Variants in MSH6 observed in about 807,000 individuals in gnomAD.
The protein encoded by MSH6 is DNA mismatch repair protein Msh6.
MSH6 carries 85 observed loss-of-function variants against 119.1 expected under a neutral mutation model. The observed-to-expected ratio is 0.71, with a 90% CI of 0.60 to 0.85. MSH6 has a LOEUF of 0.85. MSH6 is among the 40% of genes least tolerant of loss of function. MSH6 has a pLI of 0.00. For synonymous variants in MSH6, 830 were observed against 586.9 expected (o/e 1.41, Z -5.99); for missense variants, 2,163 against 1,655.3 (o/e 1.31, Z -5.32).
chr2:47,810,068 T>G (rs1670510048), downstream of MSH6: 1 of 500,762 alleles, frequency 2.0e-6, no homozygotes, highest in Admixed American at 3.8e-5. Context: ...AAGCCTGCAT[T>G]TATTCTATCC....
At chr2:47,783,864 C>CGAGAAGG in intron 1 of MSH6, 6 of 879,556 alleles carry the variant, frequency 6.8e-6, no homozygotes, top group Non-Finnish European at 7.9e-6. Context: ...GGGGGTGGGG[C>CGAGAAGG]GAGAAGGGGA....
rs1064793552 is a variant in MSH6, at chr2:47,800,393, A to G, written c.2410A>G (p.Lys804Glu). 6.2e-7 allele frequency: 1 copy of G among 1,614,000 alleles called. No homozygotes were observed. The highest frequency in any genetic ancestry group is 8.5e-7 in the Non-Finnish European group (1 of 1,180,034). ...AGAAGACCTCATGGTTGTGCCTGAC[A>G]AAATCTCCGAAGTTGTAGAGCTTCT... ...AIEDLMVVPD[K>E]ISEVVELLKK... Residue 804 changes from lysine (K) to glutamate (E), a missense_variant, in exon 4 of 10, where the codon AAA (lysine) becomes GAA (glutamate). Physicochemically the swap from Lys to Glu is moderately conservative, Grantham distance 56. Transcript: ENST00000234420.
downstream of MSH6, chr2:47,809,134 G>C (rs970571396): frequency 1.4e-6 from 2 of 1,383,436 alleles, no homozygotes; most frequent in Non-Finnish European, 2.0e-6. Flanking sequence ...CTCTTTTCAG[G>C]ACTCAAATAT....
downstream of MSH6, chr2:47,807,093 C>T: frequency 1.9e-6 from 1 of 516,070 alleles, no homozygotes; most frequent in Non-Finnish European, 3.4e-6. Context: ...GTTTTATACC[C>T]ACTGTCACCA....
At chr2:47,809,019 T>A (rs1045088653), downstream of MSH6, 3 of 578,944 alleles carry the variant, frequency 5.2e-6, no homozygotes, top group Admixed American at 6.8e-5. Flanking sequence ...TTAAACACGA[T>A]CTTCAAGTAG....
At chr2:47,805,327 A>T (rs1392747869) in intron 6 of MSH6, among the ~76,000 whole-genome samples, 1 of 151,946 alleles carries the variant, frequency 6.6e-6, no homozygotes, top group Non-Finnish European at 1.5e-5. Context: ...TTACAGGCGC[A>T]TGCCATCACG....
Position 47,806,610 on chromosome 2 carries a change from A to T in MSH6, c.3960A>T (p.Ala1320=), listed in dbSNP as rs373425206. ...TTATTCAAAAGGGACATAGAAAAGC[A>T]AGAGAATTTGAGAAGATGAATCAGT... ...EEVIQKGHRK[A]REFEKMNQSL... Residue 1320 remains alanine, a synonymous_variant, in exon 9 of 10, where the codon GCA becomes GCT. Coordinates refer to ENST00000234420, the MANE Select transcript of MSH6 (RefSeq NM_000179.3). 6.2e-7 allele frequency: 1 copy of T among 1,612,908 alleles called. No homozygotes were observed. The highest frequency in any genetic ancestry group is 1.7e-5 in the Admixed American group (1 of 59,992).
chr2:47,805,270 TC>T (rs1327453953), intron 6 of MSH6, among the ~76,000 whole-genome samples: 2 of 152,054 alleles, frequency 1.3e-5, no homozygotes, highest in African/African-American at 4.8e-5. Flanking sequence ...AACCTCTGCT[TC>T]CAGGTTCAAG....
chr2:47,787,793 A>T (rs560625076), intron 1 of MSH6, among the ~76,000 whole-genome samples: 3 of 152,066 alleles, frequency 2.0e-5, no homozygotes, highest in Non-Finnish European at 4.4e-5. Flanking sequence ...TAATTTTTAA[A>T]TTTTTTTGTA....
At chr2:47,808,468 A>C (rs367766935), downstream of MSH6, 1 of 1,502,742 alleles carries the variant, frequency 6.7e-7, no homozygotes, top group Non-Finnish European at 9.0e-7. Flanking sequence ...CAAACATGTC[A>C]TTAATGCAAA....
rs747971039 is a variant in MSH6, at chr2:47,799,505, G to A, written c.1522G>A (p.Val508Met). ...GGCACATATATCCAAGTATGATAGAGTGGTGAGGAGGGAGATCTGTAGGAT... is the reference window on the plus strand; with the variant it reads ...GGCACATATATCCAAGTATGATAGAATGGTGAGGAGGGAGATCTGTAGGAT... ...KMAHISKYDR[V>M]VRREICRIIT... is the part of the protein sequence containing the mutation. Residue 508 changes from valine (V) to methionine (M), a missense_variant, in exon 4 of 10, where the codon GTG becomes ATG. Coordinates refer to ENST00000234420, the MANE Select transcript of MSH6 (RefSeq NM_000179.3). 6.2e-7 allele frequency: 1 copy of A among 1,614,198 alleles called. No homozygotes were observed. Among genetic ancestry groups the A allele is most frequent in the South Asian group, 1.1e-5 (1 of 91,084 alleles).
rs876658276 is a variant in MSH6, at chr2:47,806,456, G to A, written c.3806G>A (p.Cys1269Tyr). 6.2e-7 allele frequency: 1 copy of A among 1,614,012 alleles called. No individual in the cohort carries two copies. The highest frequency in any genetic ancestry group is 1.7e-4 in the Middle Eastern group (1 of 6,060). Residue 1269 changes from cysteine (C) to tyrosine (Y), a missense_variant, in exon 9 of 10, where the codon TGC becomes TAC. By Grantham distance (194) the Cys-to-Tyr change is radical. Coordinates refer to ENST00000234420, the MANE Select transcript of MSH6 (RefSeq NM_000179.3). ...CTAATATTTTTCTTTCTTAAGGCAT[G>A]CATGGTAGAAAATGAATGTGAAGAC... Reference protein sequence around the residue: ...NVAVRLGHMACMVENECEDPS... With the variant: ...NVAVRLGHMAYMVENECEDPS...
At chr2:47,801,515 GCAC>G (rs1196002573) in intron 4 of MSH6, among the ~76,000 whole-genome samples, 1 of 151,634 alleles carries the variant, frequency 6.6e-6, no homozygotes, top group Non-Finnish European at 1.5e-5. Flanking sequence ...TTACAGATAT[GCAC>G]CACCATGCAT....
At chr2:47,802,471 C>T (rs1413000279) in intron 4 of MSH6, among the ~76,000 whole-genome samples, 1 of 151,978 alleles carries the variant, frequency 6.6e-6, no homozygotes, top group Non-Finnish European at 1.5e-5. Context: ...GCTGGGACTA[C>T]AGGTGGTCAC....
intron 2 of MSH6, among the ~76,000 whole-genome samples, chr2:47,794,527 C>CT (rs200955579): frequency 0.017 from 2,541 of 152,166 alleles, 37 homozygotes; most frequent in Middle Eastern, 0.058. Flanking sequence ...CCGCCTTGGC[C>CT]TCCCAAAATG....
At chr2:47,791,240 T>C in intron 2 of MSH6, 117 bp downstream of exon 2, 1 of 971,912 alleles carries the variant, frequency 1.0e-6, no homozygotes, top group South Asian at 1.4e-5. Context: ...TTTACCCCAG[T>C]AAATTGCAAG....
intron 6 of MSH6, 68 bp downstream of exon 6, chr2:47,805,095 T>C: frequency 9.5e-7 from 1 of 1,051,538 alleles, no homozygotes; most frequent in South Asian, 1.3e-5. Flanking sequence ...TATTTGCTTC[T>C]TGTATATGAG....
At chr2:47,801,324 C>G (rs548553109) in intron 4 of MSH6, 169 bp downstream of exon 4, 2 of 381,870 alleles carry the variant, frequency 5.2e-6, no homozygotes, top group Admixed American at 4.3e-5. Context: ...TTACTTGAAA[C>G]TCGCTTTTAT....
chr2:47,809,097 G>T, downstream of MSH6: 2 of 1,077,014 alleles, frequency 1.9e-6, no homozygotes, highest in Non-Finnish European at 2.8e-6. Flanking sequence ...GCTAGGCATT[G>T]CTAATTTAAA....
Sources: allele counts gnomAD v4.1 joint callset (sites outside exome capture counted in the v4.1 genomes callset), GRCh38; gene constraint gnomAD v4.1.1; transcripts MANE v1.5; gene names NCBI Gene and HGNC (gene_info 2026-07-23, HGNC 2026-07-21).